The following DTNA variants were observed in gnomAD, a reference collection of about 807,000 sequenced individuals.
DTNA encodes dystrophin-related protein 3.
In DTNA, 43 loss-of-function variants were observed where a neutral mutation model predicts 100.7. That is an observed-to-expected ratio of 0.43 (90% CI 0.33 to 0.55). DTNA has a LOEUF of 0.55. Ranked by LOEUF, DTNA falls within the 20% of genes least tolerant of loss-of-function variation. DTNA has a pLI of 0.04. For synonymous variants in DTNA, 349 were observed against 347.9 expected, an observed-to-expected ratio of 1.00 and a Z score of -0.04; for missense variants, 798 against 953.9, an observed-to-expected ratio of 0.84 and a Z score of 2.15.
chr18:34,585,079 C>T (rs1351555837), intron 1 of DTNA, among the ~76,000 whole-genome samples: 2 of 151,448 alleles, frequency 1.3e-5, no homozygotes, highest in Non-Finnish European at 2.9e-5. Flanking sequence ...TGAGTTTGTC[C>T]CAAACATCTT....
intron 7 of DTNA, 50 bp from the exon 8 acceptor site, chr18:34,818,114 T>C: frequency 6.2e-7 from 1 of 1,613,458 alleles, no homozygotes; most frequent in South Asian, 1.1e-5. Context: ...TTCCTTCTTC[T>C]GGTTCATACT....
intron 4 of DTNA, 43 bp from the exon 5 acceptor site, chr18:34,806,176 G>A (rs2095356132): frequency 6.4e-7 from 1 of 1,552,292 alleles, no homozygotes. Flanking sequence ...TCATGGTTTT[G>A]TTTTGTTTTT....
At chr18:34,517,473 G>A (rs890432496) in intron 1 of DTNA, among the ~76,000 whole-genome samples, 60 of 151,954 alleles carry the variant, frequency 3.9e-4, no homozygotes, top group Non-Finnish European at 6.9e-4. Flanking sequence ...GTGTGTGTGT[G>A]TGTGTGTGTG....
intron 1 of DTNA, among the ~76,000 whole-genome samples, chr18:34,629,911 C>G (rs955001223): frequency 6.6e-6 from 1 of 152,180 alleles, no homozygotes; most frequent in Non-Finnish European, 1.5e-5. Flanking sequence ...GCCTCTGATT[C>G]CATGCTTCCT....
intron 1 of DTNA, among the ~76,000 whole-genome samples, chr18:34,636,326 G>T (rs945945211): frequency 6.6e-6 from 1 of 152,098 alleles, no homozygotes; most frequent in African/African-American, 2.4e-5. Context: ...CATTGATCAG[G>T]CTGGTCTCGA....
chr18:34,870,493 A>T lies in DTNA; in HGVS notation c.1744-4746A>T, dbSNP rs571383640. ...AATGATCAACTGCAATATAAAGATG[A>T]TCGTCTAGTGTTCAAAAACATACCC... On this transcript the variant is annotated intron_variant, in intron 17 of 22. Transcript: ENST00000444659. Among the ~76,000 whole-genome samples the T allele has an allele frequency of 1.2e-4, 19 of 152,298 alleles. No individual in the cohort carries two copies. In the South Asian group the frequency reaches 3.1e-3, roughly 25 times the overall value.
chr18:34,677,440 C>G (rs762326677), intron 1 of DTNA, among the ~76,000 whole-genome samples: 1 of 152,144 alleles, frequency 6.6e-6, no homozygotes, highest in South Asian at 2.1e-4. Flanking sequence ...CCTAAGAGGT[C>G]CCTAGGACAA....
intron 1 of DTNA, among the ~76,000 whole-genome samples, chr18:34,547,405 G>A (rs151252722): frequency 6.6e-5 from 10 of 152,110 alleles, no homozygotes; most frequent in East Asian, 1.9e-4. Flanking sequence ...ATCTTTCTAC[G>A]GATTTGCTCT....
intron 3 of DTNA, among the ~76,000 whole-genome samples, chr18:34,766,969 A>G (rs1601674209): frequency 6.6e-6 from 1 of 152,184 alleles, no homozygotes; most frequent in Non-Finnish European, 1.5e-5. Flanking sequence ...ACTAGTAACA[A>G]TGAGCAGTCT....
intron 1 of DTNA, among the ~76,000 whole-genome samples, chr18:34,715,829 T>C (rs917952525): frequency 6.6e-6 from 1 of 152,180 alleles, no homozygotes; most frequent in Non-Finnish European, 1.5e-5. Flanking sequence ...TGAATATCCA[T>C]GTTATGTAAT....
At chr18:34,605,047 T>C (rs866013301) in intron 1 of DTNA, among the ~76,000 whole-genome samples, 1 of 152,024 alleles carries the variant, frequency 6.6e-6, no homozygotes, top group Non-Finnish European at 1.5e-5. Flanking sequence ...GTGATAAGTC[T>C]GCATACATTA....
intron 1 of DTNA, among the ~76,000 whole-genome samples, chr18:34,522,921 C>A (rs565330205): frequency 1.3e-5 from 2 of 152,340 alleles, no homozygotes; most frequent in East Asian, 3.9e-4. Flanking sequence ...TTGTGTCTTT[C>A]ATTTACAGGA....
intron 6 of DTNA, among the ~76,000 whole-genome samples, chr18:34,815,384 A>G (rs1036286189): frequency 9.2e-5 from 14 of 152,216 alleles, no homozygotes; most frequent in Non-Finnish European, 1.8e-4. Context: ...CAAATTTTTA[A>G]AAATGTAGAT....
chr18:34,694,821 A>C (rs185820181), intron 1 of DTNA, among the ~76,000 whole-genome samples: 109 of 152,236 alleles, frequency 7.2e-4, no homozygotes, highest in African/African-American at 2.6e-3. Flanking sequence ...TGGCAGCAAA[A>C]CAGCACTAGT....
chr18:34,816,455 C>T (rs1485742320), intron 7 of DTNA, among the ~76,000 whole-genome samples: 1 of 152,062 alleles, frequency 6.6e-6, no homozygotes, highest in Non-Finnish European at 1.5e-5. Flanking sequence ...TCATATGTTC[C>T]AGATTGTGAG....
chr18:34,806,201 T>G lies in DTNA; in HGVS notation c.363-18T>G. On this transcript the variant is annotated intron_variant, in intron 4 of 22. Coordinates refer to ENST00000444659, the MANE Select transcript of DTNA (RefSeq NM_001386795.1). Reference sequence around the variant, plus strand: ...GTTTTGTTTTTGTTTTTGTTTTTTTTCTATTACCATTAAACAGGGAAGGCC... The same window carrying G: ...GTTTTGTTTTTGTTTTTGTTTTTTTGCTATTACCATTAAACAGGGAAGGCC... The G allele has an allele frequency of 6.2e-7, 1 of 1,611,074 alleles. No homozygotes were observed. The highest frequency in any genetic ancestry group is 8.5e-7 in the Non-Finnish European group (1 of 1,177,458).
chr18:34,817,001 G>A (rs2095611510), intron 7 of DTNA, among the ~76,000 whole-genome samples: 1 of 152,128 alleles, frequency 6.6e-6, no homozygotes, highest in Non-Finnish European at 1.5e-5. Context: ...GAGCAATCAA[G>A]GTCCATGTTA....
Position 34,815,837 on chromosome 18 carries a change from A to T in DTNA, c.604-72A>T, listed in dbSNP as rs1174822080. ...TGCTCTTTTGTTTCAGTCTCAAATG[A>T]TATGATATTTACATAGCAGGTAAAT... On this transcript the variant is annotated intron_variant, in intron 6 of 22. Coordinates refer to ENST00000444659, the MANE Select transcript of DTNA (RefSeq NM_001386795.1). 2.3e-6 allele frequency: 3 copies of T among 1,284,944 alleles called. No individual in the cohort carries two copies. The African/African-American group carries it at 4.4e-5, about 19-fold the overall frequency. 79.6% of individuals were successfully genotyped at this position (1,284,944 alleles called of 1,614,324 possible). A position where few individuals can be genotyped will look rare whatever the true frequency, so the allele number is the denominator to read the frequency against.
chr18:34,780,453 G>A (rs2094267698), intron 3 of DTNA, among the ~76,000 whole-genome samples: 1 of 152,126 alleles, frequency 6.6e-6, no homozygotes, highest in South Asian at 2.1e-4. Context: ...GATAGTAATG[G>A]CACCAGCCCT....
Sources: gnomAD v4.1 joint callset for allele counts (sites outside exome capture counted in the v4.1 genomes callset) on GRCh38, gnomAD v4.1.1 for gene constraint, MANE v1.5 for transcripts, NCBI Gene and HGNC (gene_info 2026-07-23, HGNC 2026-07-21) for gene names.